Variants in CDH9 observed in about 807,000 individuals in gnomAD.
The protein encoded by CDH9 is cadherin-9.
Under a neutral mutation model 70.9 loss-of-function variants are expected in CDH9, and 28 were observed. That is an observed-to-expected ratio of 0.40 (90% CI 0.29 to 0.54). The LOEUF (loss-of-function observed/expected upper bound fraction) is 0.54, where lower values mean the gene tolerates loss of function less well. Ranked by LOEUF, CDH9 falls within the 20% of genes least tolerant of loss-of-function variation. CDH9 has a pLI of 0.59. For missense variants in CDH9, 874 were observed against 984.4 expected (o/e 0.89, Z 1.50); for synonymous variants, 409 against 343.1 (o/e 1.19, Z -2.12).
intron 2 of CDH9, among the ~76,000 whole-genome samples, chr5:26,969,234 T>C (rs1742177775): frequency 1.3e-5 from 2 of 152,218 alleles, no homozygotes; most frequent in Admixed American, 1.3e-4. Flanking sequence ...TATCTAAGAA[T>C]ATATCCGCTG....
intron 2 of CDH9, among the ~76,000 whole-genome samples, chr5:26,926,629 A>G (rs1254445766): frequency 1.3e-5 from 2 of 152,138 alleles, no homozygotes; most frequent in African/African-American, 4.8e-5. Flanking sequence ...AAGAGCCCAC[A>G]TAGCCAAGAC....
chr5:26,906,723 T>C lies in CDH9; in HGVS notation c.639A>G (p.Glu213=), dbSNP rs755637061. Residue 213 remains glutamate (E), a synonymous_variant, in exon 4 of 12, where the codon GAA becomes GAG. Transcript: ENST00000231021. ...AGCCAAGTTTAAATGTTGTACCTGA[T>C]TCTGGGTCCACTGAAAAATATGGCT... ...QGQPYFSVDP[E]SGIIKTALPD... The C allele has an allele frequency of 6.2e-6, 10 of 1,612,842 alleles. No homozygotes were observed. In the African/African-American group the frequency reaches 1.3e-4, roughly 22 times the overall value.
intron 2 of CDH9, 95 bp downstream of exon 2, chr5:26,988,010 TA>T (rs1249231177): frequency 3.8e-6 from 3 of 799,324 alleles, no homozygotes; most frequent in Non-Finnish European, 5.9e-6. Context: ...ATTAGTTAAA[TA>T]TTTTTTAATA....
chr5:27,010,927 T>A (rs555076696), intron 1 of CDH9, among the ~76,000 whole-genome samples: 1 of 152,144 alleles, frequency 6.6e-6, no homozygotes, highest in Non-Finnish European at 1.5e-5. Context: ...TAACACTTTA[T>A]CAACAGGAAT....
At chr5:26,931,738 A>AGT (rs1204269200) in intron 2 of CDH9, among the ~76,000 whole-genome samples, 9 of 151,828 alleles carry the variant, frequency 5.9e-5, no homozygotes, top group Non-Finnish European at 1.0e-4. Flanking sequence ...ATGTATACGA[A>AGT]GTGTGTGTGT....
chr5:26,971,926 T>G (rs552860662), intron 2 of CDH9, among the ~76,000 whole-genome samples: 4 of 152,342 alleles, frequency 2.6e-5, no homozygotes, highest in Non-Finnish European at 4.4e-5. Context: ...CAGGATTTAC[T>G]ATTCATAGAA....
In CDH9 at chr5:27,019,764, G is replaced by A. The variant is rs77698689; in HGVS notation, c.-50+18699C>T. On this transcript the variant is annotated intron_variant, in intron 1 of 11. Transcript: ENST00000231021. Reference sequence around the variant, plus strand: ...ATGAAAGAGAGTTTTAAATTTACTCGTCGGAAACAATAATCTTATATATCC... The same window carrying A: ...ATGAAAGAGAGTTTTAAATTTACTCATCGGAAACAATAATCTTATATATCC... Among the ~76,000 whole-genome samples the A allele has an allele frequency of 5.8e-3, 874 of 151,774 alleles. 8 individuals carry two copies. The highest frequency in any genetic ancestry group is 0.01 in the Non-Finnish European group (694 of 67,830).
intron 2 of CDH9, among the ~76,000 whole-genome samples, chr5:26,936,106 TG>T (rs34145822): frequency 0.097 from 14,488 of 150,024 alleles, 871 homozygotes; most frequent in East Asian, 0.18. Context: ...TGGGGAAGAG[TG>T]GGGGGGTGAG....
intron 2 of CDH9, among the ~76,000 whole-genome samples, chr5:26,933,125 A>G (rs1298538370): frequency 2.0e-5 from 3 of 147,450 alleles, no homozygotes; most frequent in Non-Finnish European, 3.0e-5. Flanking sequence ...TTAAAAATAT[A>G]AATATAGTTA....
At chr5:26,905,415 C>G (rs1474396058) in intron 5 of CDH9, among the ~76,000 whole-genome samples, 2 of 152,038 alleles carry the variant, frequency 1.3e-5, no homozygotes, top group African/African-American at 4.8e-5. Flanking sequence ...CTATGGGCCA[C>G]TAGGAAAATA....
chr5:26,962,847 A>AT (rs1235524497), intron 2 of CDH9, among the ~76,000 whole-genome samples: 2 of 152,126 alleles, frequency 1.3e-5, no homozygotes, highest in East Asian at 3.9e-4. Context: ...CATTTTAACT[A>AT]TTTTTTGTTG....
At chr5:26,991,184 A>G (rs1456070361) in intron 1 of CDH9, among the ~76,000 whole-genome samples, 1 of 152,214 alleles carries the variant, frequency 6.6e-6, no homozygotes. Flanking sequence ...ATGAAGGCAT[A>G]TAGAGAAGTG....
At chr5:26,924,310 T>G (rs1344958800) in intron 2 of CDH9, among the ~76,000 whole-genome samples, 1 of 151,726 alleles carries the variant, frequency 6.6e-6, no homozygotes, top group African/African-American at 2.4e-5. Context: ...AATGAATAAA[T>G]TTCCAGACAC....
chr5:26,962,433 C>T (rs1474648464), intron 2 of CDH9, among the ~76,000 whole-genome samples: 4 of 152,172 alleles, frequency 2.6e-5, no homozygotes, highest in Admixed American at 1.3e-4. Flanking sequence ...TTTACACTCG[C>T]GCCAACAGTG....
At position 26,960,551 on chromosome 5, in the gene CDH9, A is replaced by G. The variant is rs544078154; in HGVS notation, c.228+27555T>C. Among the ~76,000 whole-genome samples the G allele has an allele frequency of 2.6e-5, 4 of 152,162 alleles. No homozygotes were observed. The South Asian group carries it at 8.3e-4, about 32-fold the overall frequency. On this transcript the variant is annotated intron_variant, in intron 2 of 11. Transcript: ENST00000231021. ...CAAAAAAGTAACATGATTTTAGATT[A>G]AAGAAGAAAATTCCTATGATCTTGA...
chr5:27,022,750 A>G (rs1211417345), intron 1 of CDH9, among the ~76,000 whole-genome samples: 1 of 152,062 alleles, frequency 6.6e-6, no homozygotes, highest in East Asian at 1.9e-4. Context: ...ATACACAGAA[A>G]GACTGATATC....
intron 2 of CDH9, among the ~76,000 whole-genome samples, chr5:26,983,779 C>T (rs1285069051): frequency 3.3e-5 from 5 of 152,086 alleles, no homozygotes; most frequent in Admixed American, 2.6e-4. Flanking sequence ...CTCATCAAAA[C>T]TCTTTAAATA....
rs368742012 is a variant in CDH9, at chr5:26,901,139, C to A, written c.1253+1337G>T. 3.2e-4 allele frequency among the ~76,000 whole-genome samples: 49 copies of A among 151,950 alleles called. No homozygotes were observed. In the East Asian group the frequency reaches 7.7e-3, roughly 24 times the overall value. Reference sequence around the variant, plus strand: ...AAGCAATATGAACATTTTAATTAAGCATTTTATGTATCATGGTAAAAATCC... The same window carrying A: ...AAGCAATATGAACATTTTAATTAAGAATTTTATGTATCATGGTAAAAATCC... On this transcript the variant is annotated intron_variant, in intron 7 of 11. Transcript: ENST00000231021.
chr5:26,956,258 T>C (rs1275544683), intron 2 of CDH9, among the ~76,000 whole-genome samples: 1 of 152,188 alleles, frequency 6.6e-6, no homozygotes, highest in Non-Finnish European at 1.5e-5. Context: ...GCACAAATTC[T>C]CTTCTCTTGT....
Sources: allele counts gnomAD v4.1 joint callset (sites outside exome capture counted in the v4.1 genomes callset), GRCh38; gene constraint gnomAD v4.1.1; transcripts MANE v1.5; gene names NCBI Gene and HGNC (gene_info 2026-07-23, HGNC 2026-07-21).